The following NETO1 variants were observed in gnomAD, a reference collection of about 807,000 sequenced individuals.
The protein encoded by NETO1 is neuropilin and tolloid-like protein 1.
A neutral mutation model predicts 61.3 loss-of-function variants in NETO1; 26 were observed. That is an observed-to-expected ratio of 0.42 (90% CI 0.31 to 0.59). The LOEUF is 0.59. NETO1 is among the 20% of genes least tolerant of loss of function. The pLI, the probability that NETO1 is intolerant of heterozygous loss-of-function variation, is 0.12. For missense variants in NETO1, 531 were observed against 662.8 expected (o/e 0.80, Z 2.18); for synonymous variants, 225 against 225.8 (o/e 1.00, Z 0.03).
intron 7 of NETO1, among the ~76,000 whole-genome samples, chr18:72,774,626 C>A (rs916572675): frequency 3.3e-5 from 5 of 152,096 alleles, no homozygotes; most frequent in African/African-American, 1.2e-4. Context: ...TGGATGAATT[C>A]TTTATCGCAA....
At chr18:72,846,268 G>A (rs372650038) in intron 4 of NETO1, among the ~76,000 whole-genome samples, 1 of 151,510 alleles carries the variant, frequency 6.6e-6, no homozygotes, top group Non-Finnish European at 1.5e-5. Flanking sequence ...ATCTTGGGAG[G>A]GCAAGGTGGG....
intron 4 of NETO1, among the ~76,000 whole-genome samples, chr18:72,813,537 A>G (rs1006343260): frequency 4.6e-5 from 7 of 152,238 alleles, no homozygotes; most frequent in African/African-American, 1.7e-4. Flanking sequence ...AATGTTTATC[A>G]TGTTTTAAGA....
chr18:72,790,459 G>C (rs1007966816), intron 6 of NETO1, among the ~76,000 whole-genome samples: 42 of 152,050 alleles, frequency 2.8e-4, no homozygotes, highest in Admixed American at 1.7e-3. Flanking sequence ...CAGCTCTGTT[G>C]CTAACTAGCC....
chr18:72,798,679 A>G (rs2072401301), intron 4 of NETO1, among the ~76,000 whole-genome samples: 2 of 152,208 alleles, frequency 1.3e-5, no homozygotes, highest in Non-Finnish European at 2.9e-5. Flanking sequence ...TAAGCCCACA[A>G]GCTAAGCCTA....
intron 4 of NETO1, chr18:72,834,269 T>A: frequency 2.5e-6 from 2 of 790,300 alleles, no homozygotes; most frequent in Non-Finnish European, 3.1e-6. Context: ...TAATATTGAC[T>A]ATCCCTACAA....
chr18:72,821,091 T>C (rs2073178249), intron 4 of NETO1, among the ~76,000 whole-genome samples: 1 of 151,986 alleles, frequency 6.6e-6, no homozygotes, highest in South Asian at 2.1e-4. Flanking sequence ...TGCCCATCTC[T>C]TGCCTGGGAA....
chr18:72,761,359 C>G (rs1168505154), intron 7 of NETO1, among the ~76,000 whole-genome samples: 4 of 152,098 alleles, frequency 2.6e-5, no homozygotes, highest in Non-Finnish European at 5.9e-5. Flanking sequence ...ACAAGAAAAG[C>G]AGAAAACATA....
chr18:72,786,181 A>G (rs553719343), intron 6 of NETO1, among the ~76,000 whole-genome samples: 7 of 152,210 alleles, frequency 4.6e-5, no homozygotes, highest in Non-Finnish European at 8.8e-5. Flanking sequence ...GTTATAAATA[A>G]TGATAATTAC....
chr18:72,807,392 C>CT (rs1375167206), intron 4 of NETO1, among the ~76,000 whole-genome samples: 1 of 152,066 alleles, frequency 6.6e-6, no homozygotes, highest in African/African-American at 2.4e-5. Flanking sequence ...ATGTGCTGGG[C>CT]TTGTAAAGCT....
intron 1 of NETO1, among the ~76,000 whole-genome samples, chr18:72,866,524 G>C (rs2074737071): frequency 6.6e-6 from 1 of 151,934 alleles, no homozygotes; most frequent in East Asian, 1.9e-4. Flanking sequence ...TGTTTACTCC[G>C]CTCTTCCTGT....
chr18:72,834,895 T>C (rs1462777121), intron 4 of NETO1: 2 of 829,324 alleles, frequency 2.4e-6, no homozygotes, highest in Non-Finnish European at 2.9e-6. Context: ...AAAAAGATTA[T>C]ATAATTATAA....
intron 4 of NETO1, among the ~76,000 whole-genome samples, chr18:72,851,375 C>T (rs996093840): frequency 3.3e-5 from 5 of 150,312 alleles, no homozygotes; most frequent in Admixed American, 6.6e-5. Context: ...TGCACCACTG[C>T]ACTCCAGCCT....
intron 4 of NETO1, among the ~76,000 whole-genome samples, chr18:72,833,615 G>A (rs1288892884): frequency 1.3e-5 from 2 of 151,934 alleles, no homozygotes; most frequent in Non-Finnish European, 1.5e-5. Context: ...CGACATCCCC[G>A]AACCCAACTA....
At position 72,757,666 on chromosome 18, in the gene NETO1, TTTG is replaced by T. The variant is rs747861749; in HGVS notation, c.869-1522_869-1520del. 2.4e-3 allele frequency among the ~76,000 whole-genome samples: 371 copies of T among 152,268 alleles called. 3 individuals are homozygous for T. Among genetic ancestry groups the T allele is most frequent in the Non-Finnish European group, 2.5e-3 (173 of 67,980 alleles). On this transcript the variant is annotated intron_variant, in intron 7 of 10. Transcript: ENST00000327305. ...GCTTAACACTTTATTTTGCTAATGA[TTTG>T]TTAAGTACTGTTCTGTATAAACCTT...
intron 4 of NETO1, among the ~76,000 whole-genome samples, chr18:72,795,638 T>C (rs1599015603): frequency 1.3e-5 from 2 of 152,280 alleles, no homozygotes; most frequent in South Asian, 2.1e-4. Flanking sequence ...TTTATGTTCA[T>C]GGTGTACAAT....
intron 4 of NETO1, among the ~76,000 whole-genome samples, chr18:72,804,268 G>T (rs552978539): frequency 6.6e-6 from 1 of 152,262 alleles, no homozygotes; most frequent in East Asian, 1.9e-4. Flanking sequence ...CAGAACGTCT[G>T]CCCCGACCAA....
chr18:72,826,851 G>A (rs906489152), intron 4 of NETO1, among the ~76,000 whole-genome samples: 6 of 152,132 alleles, frequency 3.9e-5, no homozygotes, highest in Non-Finnish European at 7.4e-5. Context: ...GGAAGCCTCC[G>A]ATCCTAGGCT....
At chr18:72,773,281 A>G (rs2071436581) in intron 7 of NETO1, among the ~76,000 whole-genome samples, 1 of 152,078 alleles carries the variant, frequency 6.6e-6, no homozygotes, top group African/African-American at 2.4e-5. Context: ...TGATTAGGTC[A>G]GGTCAACCCA....
chr18:72,836,249 A>T (rs1409469645), intron 4 of NETO1, among the ~76,000 whole-genome samples: 1 of 152,066 alleles, frequency 6.6e-6, no homozygotes, highest in Non-Finnish European at 1.5e-5. Context: ...CCAGCCCGTG[A>T]TCCACCATTC....
Sources: allele counts gnomAD v4.1 joint callset (sites outside exome capture counted in the v4.1 genomes callset), GRCh38; gene constraint gnomAD v4.1.1; transcripts MANE v1.5; gene names NCBI Gene and HGNC (gene_info 2026-07-23, HGNC 2026-07-21).